GPBP1: variants seen among roughly 807,000 people sequenced by gnomAD.
GPBP1 encodes the protein vasculin.
A neutral mutation model predicts 56.5 loss-of-function variants in GPBP1; 13 were observed. That is an observed-to-expected ratio of 0.23 (90% CI 0.15 to 0.37). GPBP1 has a LOEUF of 0.37. GPBP1 is among the 10% of genes least tolerant of loss of function. The pLI is 1.00. For missense variants in GPBP1, 477 were observed against 572.3 expected (o/e 0.83, Z 1.70); for synonymous variants, 204 against 188.9 (o/e 1.08, Z -0.66).
At chr5:57,177,746 G>T (rs1441448304) in intron 2 of GPBP1, among the ~76,000 whole-genome samples, 2 of 140,260 alleles carry the variant, frequency 1.4e-5, no homozygotes, top group Non-Finnish European at 3.0e-5. Flanking sequence ...GGTGATCCTT[G>T]CGCCTTGGCT....
chr5:57,250,798 G>A lies in GPBP1; in HGVS notation c.973-156G>A, dbSNP rs111471217. Among the ~76,000 whole-genome samples the A allele has an allele frequency of 8.1e-3, 1,230 of 152,146 alleles. 14 individuals are homozygous for A. The highest frequency in any genetic ancestry group is 0.028 in the African/African-American group (1,183 of 41,514). ...GACCTCAGATGATCCACCCGCCTTG[G>A]CCTTCCAAAGTGCTGGGATTACAGG... On this transcript the variant is annotated intron_variant, in intron 9 of 11. Transcript: ENST00000506184.
intron 3 of GPBP1, among the ~76,000 whole-genome samples, chr5:57,228,617 A>T (rs1297835173): frequency 6.6e-6 from 1 of 151,924 alleles, no homozygotes; most frequent in Admixed American, 6.6e-5. Context: ...GGGGAAAAAG[A>T]TCCCCTCCAT....
chr5:57,196,754 G>A (rs1014664486), intron 2 of GPBP1, among the ~76,000 whole-genome samples: 3 of 151,886 alleles, frequency 2.0e-5, no homozygotes, highest in Admixed American at 6.6e-5. Context: ...CACCATGCCT[G>A]GCTAATTGTT....
At chr5:57,179,274 G>T (rs1561317284) in intron 2 of GPBP1, among the ~76,000 whole-genome samples, 1 of 152,194 alleles carries the variant, frequency 6.6e-6, no homozygotes, top group African/African-American at 2.4e-5. Flanking sequence ...ATGGAGTTTG[G>T]AAATAAACTA....
intron 3 of GPBP1, among the ~76,000 whole-genome samples, chr5:57,216,075 G>A (rs576009660): frequency 1.3e-5 from 2 of 152,204 alleles, no homozygotes; most frequent in Admixed American, 6.5e-5. Context: ...GATAGCTGGA[G>A]CAAGAGCAAT....
intron 6 of GPBP1, chr5:57,245,923 G>A (rs1741067054): frequency 6.4e-6 from 1 of 156,340 alleles, no homozygotes; most frequent in African/African-American, 2.4e-5. Flanking sequence ...TTCAAATGGG[G>A]AAGGGAAAAT....
chr5:57,249,593 C>G lies in GPBP1; in HGVS notation c.972+17C>G. 1 of 1,582,490 alleles carries G rather than the reference C, an allele frequency of 6.3e-7. No individual in the cohort carries two copies. The highest frequency in any genetic ancestry group is 1.4e-5 in the African/African-American group (1 of 73,738). ...TCAGAGAAGGTAATTGAATTTATAG[C>G]AATACTTGATTTGACATTGATATGT... On this transcript the variant is annotated intron_variant, in intron 9 of 11. Transcript: ENST00000506184.
At chr5:57,219,249 G>A (rs1044698083) in intron 3 of GPBP1, among the ~76,000 whole-genome samples, 1 of 151,358 alleles carries the variant, frequency 6.6e-6, no homozygotes, top group Non-Finnish European at 1.5e-5. Flanking sequence ...GGTGGCACAT[G>A]CCTGTGGTCC....
At chr5:57,241,582 C>T (rs1234837556) in intron 6 of GPBP1, among the ~76,000 whole-genome samples, 1 of 151,988 alleles carries the variant, frequency 6.6e-6, no homozygotes, top group Non-Finnish European at 1.5e-5. Context: ...ATAAAAAGGT[C>T]AGTTATTGTC....
At chr5:57,176,479 C>G (rs702692) in intron 2 of GPBP1, 79 bp downstream of exon 2, 1 of 152,666 alleles carries the variant, frequency 6.6e-6, no homozygotes, top group Non-Finnish European at 1.5e-5. Flanking sequence ...ATGTTATTCT[C>G]GGAAGCCTTT....
At chr5:57,195,551 A>G (rs190842634) in intron 2 of GPBP1, among the ~76,000 whole-genome samples, 1 of 152,166 alleles carries the variant, frequency 6.6e-6, no homozygotes, top group South Asian at 2.1e-4. Flanking sequence ...GCGAAGTTGT[A>G]GTTTTAAAAC....
At chr5:57,179,993 GA>G (rs1033905924) in intron 2 of GPBP1, among the ~76,000 whole-genome samples, 1 of 151,842 alleles carries the variant, frequency 6.6e-6, no homozygotes, top group Admixed American at 6.6e-5. Context: ...AATGGGGAAA[GA>G]ACAGGAAGAG....
Position 57,182,823 on chromosome 5 carries a change from A to AT in GPBP1, c.-58+6424dup, listed in dbSNP as rs577940562. On this transcript the variant is annotated intron_variant, in intron 2 of 11. Transcript: ENST00000506184. Reference sequence around the variant, plus strand: ...CTCAGCCTCCCAAGTAGCTGGGACTATAGGCGCATGTCACCATGCTCGGCT... The same window carrying AT: ...CTCAGCCTCCCAAGTAGCTGGGACTATTAGGCGCATGTCACCATGCTCGGCT... 3.8e-3 allele frequency among the ~76,000 whole-genome samples: 582 copies of AT among 152,252 alleles called. 1 individual carries two copies. The highest frequency in any genetic ancestry group is 6.4e-3 in the Non-Finnish European group (438 of 68,016).
chr5:57,263,008 T>A lies in GPBP1; in HGVS notation c.*256T>A, dbSNP rs1436880715. On this transcript the variant is annotated 3_prime_UTR_variant, in exon 12 of 12. Coordinates refer to ENST00000506184, the MANE Select transcript of GPBP1 (RefSeq NM_022913.4). ...TGACTTTCTTCATCACTGCAACATT[T>A]CTCTGACTAGCAATGTGACGATGTA... 1 of 320,488 alleles carries A rather than the reference T, an allele frequency of 3.1e-6. No individual in the cohort carries two copies. Among genetic ancestry groups the A allele is most frequent in the Non-Finnish European group, 5.7e-6 (1 of 175,268 alleles). The allele number at this position is 320,488 out of a possible 1,614,324, so 19.9% of individuals were successfully genotyped here. A position where few individuals can be genotyped will look rare whatever the true frequency, so the allele number is the denominator to read the frequency against.
rs149046460 is a variant in GPBP1, at chr5:57,233,786, A to G, written c.412-2180A>G. Among the ~76,000 whole-genome samples, 479 of 152,308 alleles carry G rather than the reference A, an allele frequency of 3.1e-3. 4 individuals carry two copies. Among genetic ancestry groups the G allele is most frequent in the African/African-American group, 0.011 (458 of 41,558 alleles). ...GATGTAAGTGGATTTGCATAGTTCA[A>G]ACTTGTGTTGTTCAAGGTTCAACTG... On this transcript the variant is annotated intron_variant, in intron 5 of 11. Coordinates refer to ENST00000506184, the MANE Select transcript of GPBP1 (RefSeq NM_022913.4).
At chr5:57,222,796 T>C (rs1460027401) in intron 3 of GPBP1, among the ~76,000 whole-genome samples, 4 of 152,200 alleles carry the variant, frequency 2.6e-5, no homozygotes, top group East Asian at 1.9e-4. Context: ...TATCTACTTA[T>C]AATCCCATTA....
intron 7 of GPBP1, among the ~76,000 whole-genome samples, chr5:57,246,804 A>G (rs1261508521): frequency 6.6e-6 from 1 of 152,110 alleles, no homozygotes; most frequent in Non-Finnish European, 1.5e-5. Context: ...GGAAACTCAC[A>G]TGTTTTTTCT....
At chr5:57,228,567 G>C (rs1419550413) in intron 3 of GPBP1, among the ~76,000 whole-genome samples, 1 of 70,850 alleles carries the variant, frequency 1.4e-5, no homozygotes, top group Non-Finnish European at 2.7e-5. Context: ...TTGAGGCCAG[G>C]AGTTCAAGTC....
intron 2 of GPBP1, among the ~76,000 whole-genome samples, chr5:57,187,315 A>G (rs985311829): frequency 7.2e-5 from 11 of 152,190 alleles, no homozygotes; most frequent in Non-Finnish European, 1.0e-4. Flanking sequence ...AAATGACAAC[A>G]TTTCTATACT....
Sources: gnomAD v4.1 joint callset for allele counts (sites outside exome capture counted in the v4.1 genomes callset) on GRCh38, gnomAD v4.1.1 for gene constraint, MANE v1.5 for transcripts, NCBI Gene and HGNC (gene_info 2026-07-23, HGNC 2026-07-21) for gene names.